SLC9C1: variants seen among roughly 807,000 people sequenced by gnomAD.
SLC9C1 encodes the protein solute carrier family 9 member C1.
In SLC9C1, 97 loss-of-function variants were observed where a neutral mutation model predicts 140.9. That is an observed-to-expected ratio of 0.69 (90% CI 0.58 to 0.82). The LOEUF (loss-of-function observed/expected upper bound fraction) is 0.82. Ranked by LOEUF, SLC9C1 falls within the 40% of genes least tolerant of loss-of-function variation. The pLI, the probability that SLC9C1 is intolerant of heterozygous loss-of-function variation, is 0.00. For missense variants in SLC9C1, 1,340 were observed against 1,389.3 expected, an observed-to-expected ratio of 0.96 and a Z score of 0.56; for synonymous variants, 440 against 442.6, an observed-to-expected ratio of 0.99 and a Z score of 0.07.
At chr3:112,235,264 G>C (rs1485846137) in intron 12 of SLC9C1, among the ~76,000 whole-genome samples, 2 of 110,346 alleles carry the variant, frequency 1.8e-5, no homozygotes, top group East Asian at 6.5e-4. Context: ...CTCATGATTT[G>C]GCCCTCTGTT....
chr3:112,217,691 G>T (rs1205437650), intron 14 of SLC9C1, 130 bp from the exon 15 acceptor site: 7 of 747,976 alleles, frequency 9.4e-6, no homozygotes, highest in Middle Eastern at 8.3e-4. Context: ...GTGCCATGAT[G>T]GTTGGATTAA....
intron 15 of SLC9C1, among the ~76,000 whole-genome samples, chr3:112,215,662 C>T (rs748197284): frequency 3.3e-5 from 5 of 152,088 alleles, no homozygotes; most frequent in Non-Finnish European, 5.9e-5. Context: ...TGTGAAGGAC[C>T]TCTTCAAGAA....
chr3:112,208,386 AAG>A lies in SLC9C1; in HGVS notation c.1791-15_1791-14del. On this transcript the variant is annotated splice_polypyrimidine_tract_variant and intron_variant, in intron 15 of 28. Transcript: ENST00000305815. ...AAAAAAGAAGTATCTGTAAAACAAA[AAG>A]ACAGTTTTATCTGATAAAAGGTTTA... The A allele has an allele frequency of 6.7e-7, 1 of 1,499,736 alleles. No individual in the cohort carries two copies. The highest frequency in any genetic ancestry group is 9.0e-7 in the Non-Finnish European group (1 of 1,113,850). The allele number at this position is 1,499,736 out of a possible 1,614,324, so 92.9% of individuals were successfully genotyped here. A position where few individuals can be genotyped will look rare whatever the true frequency, so the allele number is the denominator to read the frequency against.
chr3:112,155,096 G>A (rs2107865170), intron 26 of SLC9C1, 47 bp from the exon 27 acceptor site: 1 of 1,509,172 alleles, frequency 6.6e-7, no homozygotes, highest in African/African-American at 1.4e-5. Context: ...ACTGAAGCAA[G>A]TGACTATTTC....
intron 14 of SLC9C1, among the ~76,000 whole-genome samples, chr3:112,220,368 T>A (rs982960922): frequency 9.9e-5 from 15 of 152,202 alleles, no homozygotes; most frequent in Middle Eastern, 3.2e-3. Context: ...GGTTGGCACA[T>A]CCTTCAGGTT....
At chr3:112,152,220 G>T (rs1275453667) in intron 27 of SLC9C1, among the ~76,000 whole-genome samples, 1 of 152,182 alleles carries the variant, frequency 6.6e-6, no homozygotes, top group African/African-American at 2.4e-5. Context: ...CGGAGAGGGG[G>T]ATGTGGCAGG....
intron 19 of SLC9C1, among the ~76,000 whole-genome samples, chr3:112,200,269 A>G (rs2108028857): frequency 6.6e-6 from 1 of 152,252 alleles, no homozygotes; most frequent in South Asian, 2.1e-4. Context: ...CTCCCAGCAG[A>G]TATAACAGGA....
intron 28 of SLC9C1, among the ~76,000 whole-genome samples, chr3:112,147,301 T>C (rs56364691): frequency 0.15 from 22,284 of 152,228 alleles, 2,102 homozygotes; most frequent in Middle Eastern, 0.22. Context: ...AGATTCATAT[T>C]GATATGTAAT....
intron 20 of SLC9C1, among the ~76,000 whole-genome samples, chr3:112,197,377 T>C (rs1166478055): frequency 6.6e-6 from 1 of 152,166 alleles, no homozygotes; most frequent in African/African-American, 2.4e-5. Flanking sequence ...CTTTGCCTTC[T>C]CTGATTAGAA....
intron 26 of SLC9C1, among the ~76,000 whole-genome samples, chr3:112,161,914 C>A (rs1232637197): frequency 1.3e-5 from 2 of 151,256 alleles, no homozygotes; most frequent in Non-Finnish European, 3.0e-5. Flanking sequence ...ATGGAATGTT[C>A]TTCCATTTGT....
At chr3:112,289,344 C>G (rs146622181) in intron 1 of SLC9C1, among the ~76,000 whole-genome samples, 178 of 152,232 alleles carry the variant, frequency 1.2e-3, no homozygotes, top group African/African-American at 4.2e-3. Flanking sequence ...TGGAAAAGGT[C>G]TATGGAAGTG....
intron 28 of SLC9C1, among the ~76,000 whole-genome samples, chr3:112,143,396 A>G (rs895948031): frequency 2.0e-5 from 3 of 152,038 alleles, no homozygotes; most frequent in Admixed American, 2.0e-4. Context: ...CAGCTTCATC[A>G]TATCTGTTGT....
chr3:112,291,763 C>T (rs115863795), intron 1 of SLC9C1, among the ~76,000 whole-genome samples: 249 of 152,282 alleles, frequency 1.6e-3, no homozygotes, highest in African/African-American at 2.3e-3. Context: ...AATCCCATTA[C>T]GGGGTATAAA....
chr3:112,225,723 G>GA (rs1380384117), intron 13 of SLC9C1, among the ~76,000 whole-genome samples: 1 of 150,708 alleles, frequency 6.6e-6, no homozygotes, highest in Non-Finnish European at 1.5e-5. Flanking sequence ...GTGAAGGGAT[G>GA]AAAAAAGATA....
chr3:112,150,483 A>G (rs1269168715), intron 28 of SLC9C1, among the ~76,000 whole-genome samples: 1 of 152,010 alleles, frequency 6.6e-6, no homozygotes, highest in African/African-American at 2.4e-5. Context: ...GCTGTTTGCC[A>G]CTGTTCTTCT....
Position 112,230,913 on chromosome 3 carries a change from G to A in SLC9C1, c.1572+448C>T, listed in dbSNP as rs79886081. Among the ~76,000 whole-genome samples, 462 of 152,262 alleles carry A rather than the reference G, an allele frequency of 3.0e-3. 4 individuals are homozygous for A. Among genetic ancestry groups the A allele is most frequent in the African/African-American group, 0.011 (442 of 41,580 alleles). On this transcript the variant is annotated intron_variant, in intron 13 of 28. Transcript: ENST00000305815. ...ATACTCTCTTCAGTCAGCTATTAGA[G>A]GATTTGGCTGTATCATTACATGAAA...
chr3:112,250,163 T>A (rs979529028), intron 10 of SLC9C1, among the ~76,000 whole-genome samples: 41 of 151,516 alleles, frequency 2.7e-4, no homozygotes, highest in African/African-American at 9.5e-4. Context: ...ACATGCGGTG[T>A]TTGGTTTTTT....
Position 112,294,119 on chromosome 3 carries a change from C to T in SLC9C1, c.-114G>A, listed in dbSNP as rs1389362235. On this transcript the variant is annotated 5_prime_UTR_variant, in exon 1 of 29. Transcript: ENST00000305815. Reference sequence around the variant, plus strand: ...ATCCGGAGCCTCAGGAGGAGTATCCCGTGGTGTGCAAGTGAGAAGTGGGGG... The same window carrying T: ...ATCCGGAGCCTCAGGAGGAGTATCCTGTGGTGTGCAAGTGAGAAGTGGGGG... 2.0e-5 allele frequency: 3 copies of T among 152,140 alleles called. No homozygotes were observed. Among genetic ancestry groups the T allele is most frequent in the East Asian group, 3.9e-4 (2 of 5,194 alleles). 9.4% of individuals were successfully genotyped at this position (152,140 alleles called of 1,614,324 possible). A position where few individuals can be genotyped will look rare whatever the true frequency, so the allele number is the denominator to read the frequency against.
chr3:112,261,633 T>G (rs1419383065), intron 10 of SLC9C1, among the ~76,000 whole-genome samples: 1 of 152,062 alleles, frequency 6.6e-6, no homozygotes, highest in African/African-American at 2.4e-5. Flanking sequence ...GAGTTCTACT[T>G]TCTTCTCAAG....
Sources: gnomAD v4.1 joint callset for allele counts (sites outside exome capture counted in the v4.1 genomes callset) on GRCh38, gnomAD v4.1.1 for gene constraint, MANE v1.5 for transcripts, NCBI Gene and HGNC (gene_info 2026-07-23, HGNC 2026-07-21) for gene names.